MROH7: variants seen among roughly 807,000 people sequenced by gnomAD.
The protein encoded by MROH7 is maestro heat like repeat family member 7.
A neutral mutation model predicts 129.2 loss-of-function variants in MROH7; 113 were observed. That is an observed-to-expected ratio of 0.87 (90% CI 0.75 to 1.02). The LOEUF (loss-of-function observed/expected upper bound fraction) is 1.02. MROH7 is among the 50% of genes least tolerant of loss of function. MROH7 has a pLI of 0.00. For synonymous variants in MROH7, 655 were observed against 667.9 expected (o/e 0.98, Z 0.30); for missense variants, 1,601 against 1,671.3 (o/e 0.96, Z 0.73).
In MROH7 at chr1:54,665,097, G is replaced by A. The variant is rs1029884264; in HGVS notation, c.1232-70G>A. ...TGGAGGTGCCTAGAGGGGGAGGAGA[G>A]AGATGGCATGATGGCATCCTAGGTA... On this transcript the variant is annotated intron_variant, in intron 3 of 23. Coordinates refer to ENST00000421030, the MANE Select transcript of MROH7 (RefSeq NM_001039464.4). 5.0e-6 allele frequency: 6 copies of A among 1,202,064 alleles called. No homozygotes were observed. The African/African-American group carries it at 7.4e-5, about 15-fold the overall frequency. 74.5% of individuals were successfully genotyped at this position (1,202,064 alleles called of 1,614,324 possible).
At chr1:54,672,429 A>G (rs1644916517) in intron 7 of MROH7, among the ~76,000 whole-genome samples, 1 of 152,094 alleles carries the variant, frequency 6.6e-6, no homozygotes, top group African/African-American at 2.4e-5. Flanking sequence ...AGTAACTCAA[A>G]CCCACTGCCC....
intron 15 of MROH7, among the ~76,000 whole-genome samples, chr1:54,688,437 G>A (rs948012121): frequency 1.3e-5 from 2 of 152,050 alleles, no homozygotes; most frequent in Admixed American, 6.6e-5. Context: ...TGTTATGATA[G>A]GAGTGTGCCT....
chr1:54,695,529 C>T (rs1316068871), intron 17 of MROH7, 39 bp downstream of exon 17: 7 of 1,378,970 alleles, frequency 5.1e-6, no homozygotes, highest in South Asian at 3.6e-5. Flanking sequence ...GGGAGCTCCT[C>T]CCGGGCCTCG....
At chr1:54,695,841 C>T (rs1387442921) in intron 17 of MROH7, 8 of 354,614 alleles carry the variant, frequency 2.3e-5, no homozygotes, top group African/African-American at 4.3e-5. Context: ...CCAGTTATAA[C>T]AGGGGGTGAT....
chr1:54,668,976 G>T, intron 5 of MROH7, 39 bp downstream of exon 5: 10 of 1,341,062 alleles, frequency 7.5e-6, no homozygotes, highest in Non-Finnish European at 1.1e-5. Context: ...ATTGGGGTGG[G>T]AGGGGGCAGA....
chr1:54,670,640 T>C, intron 6 of MROH7, 64 bp downstream of exon 6: 1 of 1,522,994 alleles, frequency 6.6e-7, no homozygotes, highest in Non-Finnish European at 8.9e-7. Context: ...TCTGCCTCCC[T>C]CCATCTCTTC....
At chr1:54,658,756 G>C (rs116032179) in intron 3 of MROH7, among the ~76,000 whole-genome samples, 35 of 152,216 alleles carry the variant, frequency 2.3e-4, no homozygotes, top group African/African-American at 7.9e-4. Flanking sequence ...TTGATATTTT[G>C]TGTTGGGAAA....
chr1:54,665,279 A>T (rs1251961215), intron 4 of MROH7, 39 bp downstream of exon 4: 2 of 1,548,914 alleles, frequency 1.3e-6, no homozygotes, highest in Admixed American at 3.4e-5. Context: ...CTGTGCTGGG[A>T]TACTTCCATC....
Position 54,653,206 on chromosome 1 carries a change from C to T in MROH7, c.280C>T (p.Leu94Phe). ...DDSRAIAPASLQITSSCSGEA... is the reference protein window; with the variant it reads ...DDSRAIAPASFQITSSCSGEA... ...CAGCAGAGCTATCGCTCCAGCCTCCCTCCAGATCACCAGTTCTTGTTCTGG... is the reference window on the plus strand; with the variant it reads ...CAGCAGAGCTATCGCTCCAGCCTCCTTCCAGATCACCAGTTCTTGTTCTGG... The change falls in exon 3 of 24, where the codon CTC becomes TTC. Residue 94 changes from leucine (L) to phenylalanine (F), a missense_variant. Transcript: ENST00000421030. The T allele has an allele frequency of 3.1e-6, 5 of 1,614,174 alleles. No individual in the cohort carries two copies. The highest frequency in any genetic ancestry group is 4.2e-6 in the Non-Finnish European group (5 of 1,180,020).
intron 4 of MROH7, among the ~76,000 whole-genome samples, chr1:54,665,968 G>A (rs552313562): frequency 6.6e-6 from 1 of 152,330 alleles, no homozygotes; most frequent in Admixed American, 6.5e-5. Flanking sequence ...ATCCCATGGC[G>A]TCCTTCTAGT....
intron 14 of MROH7, among the ~76,000 whole-genome samples, chr1:54,685,222 G>A (rs1645129276): frequency 6.6e-6 from 1 of 152,074 alleles, no homozygotes; most frequent in Admixed American, 6.6e-5. Flanking sequence ...TCCCCATGTT[G>A]GCCAGGCTGG....
rs774818353 is a variant in MROH7 at position 54,710,124 on chromosome 1, C to A, written c.3909C>A (p.Ser1303=). The change falls in exon 24 of 24, where the codon TCC becomes TCA. Residue 1303 remains serine (S), a synonymous_variant. Coordinates refer to ENST00000421030, the MANE Select transcript of MROH7 (RefSeq NM_001039464.4). Reference sequence around the variant, plus strand: ...CCAGCTGTGAGAACCTGCCCACTTCCCACCAGCGGCGCTCCTGGATCATGC... The same window carrying A: ...CCAGCTGTGAGAACCTGCCCACTTCACACCAGCGGCGCTCCTGGATCATGC... The part of the protein sequence containing the change: ...WSPSCENLPT[S]HQRRSWIMQA... The A allele has an allele frequency of 6.2e-7, 1 of 1,613,882 alleles. No homozygotes were observed. Among genetic ancestry groups the A allele is most frequent in the South Asian group, 1.1e-5 (1 of 91,076 alleles).
chr1:54,656,776 A>G lies in MROH7; in HGVS notation c.1231+2619A>G, dbSNP rs77738820. The stretch of plus-strand genomic sequence containing the variant: ...CAGTAAGCCAAGATCGTGCCACTAC[A>G]TTCCAGCCTGGGCGACACAGCGGGA... On this transcript the variant is annotated intron_variant, in intron 3 of 23. Coordinates refer to ENST00000421030, the MANE Select transcript of MROH7 (RefSeq NM_001039464.4). Among the ~76,000 whole-genome samples, 105 of 152,258 alleles carry G rather than the reference A, an allele frequency of 6.9e-4. 1 individual carries two copies. The Middle Eastern group carries it at 0.01, about 15-fold the overall frequency.
chr1:54,668,727 AT>A, intron 4 of MROH7, 126 bp from the exon 5 acceptor site: 1 of 671,188 alleles, frequency 1.5e-6, no homozygotes, highest in South Asian at 1.9e-5. Context: ...GGGACCTCTC[AT>A]TTCTCTTGCA....
intron 19 of MROH7, 100 bp downstream of exon 19, chr1:54,701,422 G>A: frequency 9.2e-7 from 1 of 1,087,784 alleles, no homozygotes; most frequent in Non-Finnish European, 1.3e-6. Flanking sequence ...CAGGACCTGG[G>A]CAGTGTTGGG....
At chr1:54,708,992 C>A (rs1435756549) in intron 22 of MROH7, 22 bp from the exon 23 acceptor site, 1 of 1,613,554 alleles carries the variant, frequency 6.2e-7, no homozygotes, top group Admixed American at 1.7e-5. Context: ...CAAATGCCCT[C>A]ACTTCTTGGA....
chr1:54,696,963 C>G (rs907746517), intron 17 of MROH7, among the ~76,000 whole-genome samples: 2 of 152,126 alleles, frequency 1.3e-5, no homozygotes, highest in African/African-American at 4.8e-5. Context: ...TGAGCCACCA[C>G]GCCTAGTCAA....
chr1:54,698,170 A>G, intron 17 of MROH7: 1 of 162,456 alleles, frequency 6.2e-6, no homozygotes, highest in Non-Finnish European at 1.3e-5. Flanking sequence ...TGGAAGGTGA[A>G]CTCCTTAAGG....
At chr1:54,677,149 A>G (rs974257163) in intron 10 of MROH7, among the ~76,000 whole-genome samples, 4 of 152,072 alleles carry the variant, frequency 2.6e-5, no homozygotes, top group Non-Finnish European at 4.4e-5. Flanking sequence ...CTGTAATTCC[A>G]GCACTTTGGG....
Sources: gnomAD v4.1 joint callset for allele counts (sites outside exome capture counted in the v4.1 genomes callset) on GRCh38, gnomAD v4.1.1 for gene constraint, MANE v1.5 for transcripts, NCBI Gene and HGNC (gene_info 2026-07-23, HGNC 2026-07-21) for gene names.